The following ADAMTS17 variants were observed in gnomAD, a reference collection of about 807,000 sequenced individuals.
ADAMTS17 encodes ADAM metallopeptidase with thrombospondin type 1 motif 17.
ADAMTS17 carries 113 observed loss-of-function variants against 141.5 expected under a neutral mutation model. That is an observed-to-expected ratio of 0.80 (90% CI 0.69 to 0.93). ADAMTS17 has a LOEUF of 0.93. ADAMTS17 is among the 40% of genes least tolerant of loss of function. The probability of loss-of-function intolerance (pLI) is 0.00; values close to 1 mark genes in which losing one functional copy is unlikely to be tolerated. For missense variants in ADAMTS17, 1,659 were observed against 1,517.9 expected (o/e 1.09, Z -1.54); for synonymous variants, 768 against 630.6 (o/e 1.22, Z -3.27).
intron 10 of ADAMTS17, among the ~76,000 whole-genome samples, chr15:100,143,606 A>AT (rs972246962): frequency 3.3e-5 from 5 of 152,032 alleles, no homozygotes; most frequent in Non-Finnish European, 7.4e-5. Flanking sequence ...GTTGATGCCA[A>AT]TTTTTTTTCT....
chr15:100,114,664 C>T (rs1459980653), intron 13 of ADAMTS17, among the ~76,000 whole-genome samples: 3 of 152,110 alleles, frequency 2.0e-5, no homozygotes, highest in Non-Finnish European at 4.4e-5. Context: ...AGATCAAAGG[C>T]GGTGGCACTC....
At chr15:100,196,257 C>G (rs939979334) in intron 8 of ADAMTS17, among the ~76,000 whole-genome samples, 9 of 152,204 alleles carry the variant, frequency 5.9e-5, no homozygotes, top group African/African-American at 2.2e-4. Context: ...TACAAAGAGA[C>G]ACTAGAAAGA....
intron 4 of ADAMTS17, among the ~76,000 whole-genome samples, chr15:100,265,668 G>A (rs113309557): frequency 0.013 from 2,002 of 152,248 alleles, 45 homozygotes; most frequent in African/African-American, 0.045. Context: ...CTTCACAAGG[G>A]CACCACCTAC....
intron 17 of ADAMTS17, 142 bp from the exon 18 acceptor site, chr15:100,049,134 GT>G: frequency 7.7e-7 from 1 of 1,295,716 alleles, no homozygotes; most frequent in Non-Finnish European, 1.1e-6. Context: ...TGTCATGTGG[GT>G]TTTTAGAGAG....
chr15:100,110,311 C>T (rs551356171), intron 13 of ADAMTS17, among the ~76,000 whole-genome samples: 4 of 145,380 alleles, frequency 2.8e-5, no homozygotes, highest in Middle Eastern at 3.3e-3. Flanking sequence ...GTTGCCCAGG[C>T]TAGAGTGCAG....
At chr15:100,312,100 C>T (rs1395778221) in intron 3 of ADAMTS17, among the ~76,000 whole-genome samples, 1 of 152,212 alleles carries the variant, frequency 6.6e-6, no homozygotes, top group African/African-American at 2.4e-5. Flanking sequence ...AGGATGTCCA[C>T]ATCCTAATCC....
chr15:100,262,189 T>C (rs1023133306), intron 5 of ADAMTS17, among the ~76,000 whole-genome samples, 163 bp downstream of exon 5: 1 of 152,062 alleles, frequency 6.6e-6, no homozygotes, highest in Non-Finnish European at 1.5e-5. Flanking sequence ...CCTCACACCA[T>C]GCTTCCGGTA....
intron 6 of ADAMTS17, among the ~76,000 whole-genome samples, chr15:100,258,024 T>C (rs1043121722): frequency 1.3e-5 from 2 of 152,246 alleles, no homozygotes; most frequent in African/African-American, 4.8e-5. Flanking sequence ...TTGAGGTTCA[T>C]CCATGTTGTA....
intron 15 of ADAMTS17, among the ~76,000 whole-genome samples, chr15:100,079,356 T>A (rs192297379): frequency 1.0e-3 from 153 of 152,338 alleles, no homozygotes; most frequent in African/African-American, 3.6e-3. Flanking sequence ...AACAATGGAA[T>A]AGTATTTGGC....
intron 3 of ADAMTS17, among the ~76,000 whole-genome samples, chr15:100,314,051 G>C (rs550999204): frequency 2.8e-5 from 4 of 144,554 alleles, no homozygotes; most frequent in Non-Finnish European, 6.1e-5. Flanking sequence ...AGAAACGTCA[G>C]ACAAAACCAC....
chr15:100,321,303 A>C (rs2045726682), intron 3 of ADAMTS17, among the ~76,000 whole-genome samples: 1 of 152,218 alleles, frequency 6.6e-6, no homozygotes, highest in African/African-American at 2.4e-5. Context: ...GAGAAACAGA[A>C]GCAAAGAAAA....
intron 20 of ADAMTS17, among the ~76,000 whole-genome samples, chr15:99,982,538 C>CA (rs2060502282): frequency 6.6e-6 from 1 of 152,236 alleles, no homozygotes; most frequent in Admixed American, 6.5e-5. Context: ...TCGGCCTCCC[C>CA]TAAGGCTTCA....
chr15:100,176,005 G>A (rs183225331), intron 8 of ADAMTS17, among the ~76,000 whole-genome samples: 1 of 152,166 alleles, frequency 6.6e-6, no homozygotes, highest in African/African-American at 2.4e-5. Context: ...CCTAGACCAT[G>A]GCCTGCCCCG....
chr15:100,041,858 T>C (rs1021687346), intron 18 of ADAMTS17, among the ~76,000 whole-genome samples: 39 of 152,046 alleles, frequency 2.6e-4, no homozygotes, highest in African/African-American at 8.9e-4. Flanking sequence ...TGAAGAAAAT[T>C]AAAGGGAGAT....
intron 8 of ADAMTS17, among the ~76,000 whole-genome samples, chr15:100,179,554 A>G (rs903656637): frequency 6.6e-6 from 1 of 152,170 alleles, no homozygotes; most frequent in South Asian, 2.1e-4. Flanking sequence ...TCTTTTGGGT[A>G]TATACCTAGC....
At chr15:100,233,923 C>A (rs577825792) in intron 7 of ADAMTS17, among the ~76,000 whole-genome samples, 1 of 152,086 alleles carries the variant, frequency 6.6e-6, no homozygotes, top group African/African-American at 2.4e-5. Flanking sequence ...ATGTCCTGGG[C>A]GCCCTACTGT....
chr15:100,169,637 C>T (rs193296906), intron 8 of ADAMTS17, among the ~76,000 whole-genome samples: 1 of 152,216 alleles, frequency 6.6e-6, no homozygotes, highest in Non-Finnish European at 1.5e-5. Flanking sequence ...ATTGCCCCCA[C>T]ACTCAATCGA....
At position 100,070,553 on chromosome 15, in the gene ADAMTS17, C is replaced by T. The variant is rs1319496763; in HGVS notation, c.2138-16499G>A. 6.0e-5 allele frequency among the ~76,000 whole-genome samples: 9 copies of T among 150,086 alleles called. 1 individual carries two copies. The highest frequency in any genetic ancestry group is 1.5e-4 in the African/African-American group (6 of 40,512). On this transcript the variant is annotated intron_variant, in intron 15 of 21. Transcript: ENST00000268070. ...TTATAACAAACTGTCTCTCAGACCA[C>T]GGTGCAATCAAACTAGAACTCAGGA...
At chr15:100,190,926 G>A (rs1207266431) in intron 8 of ADAMTS17, among the ~76,000 whole-genome samples, 1 of 152,156 alleles carries the variant, frequency 6.6e-6, no homozygotes, top group African/African-American at 2.4e-5. Flanking sequence ...TGAGCTTCTG[G>A]TCCGAGTCTC....
Sources: allele counts gnomAD v4.1 joint callset (sites outside exome capture counted in the v4.1 genomes callset), GRCh38; gene constraint gnomAD v4.1.1; transcripts MANE v1.5; gene names NCBI Gene and HGNC (gene_info 2026-07-23, HGNC 2026-07-21).